Variants in WWC1 observed in about 807,000 individuals in gnomAD.
WWC1 encodes the protein WW and C2 domain containing 1.
WWC1 carries 55 observed loss-of-function variants against 138.4 expected under a neutral mutation model. The observed-to-expected ratio is 0.40, with a 90% CI of 0.32 to 0.50. WWC1 has a LOEUF of 0.50. Among genes scored for constraint, WWC1 ranks in the 20% least tolerant of loss-of-function variants. The pLI, the probability that WWC1 is intolerant of heterozygous loss-of-function variation, is 0.72. For synonymous variants in WWC1, 524 were observed against 564.9 expected (o/e 0.93, Z 1.03); for missense variants, 1,226 against 1,420.4 (o/e 0.86, Z 2.20).
At position 168,460,759 on chromosome 5, in the gene WWC1, A is replaced by G; in HGVS notation, c.2916+17A>G. The G allele has an allele frequency of 1.2e-6, 2 of 1,613,828 alleles. No homozygotes were observed. The highest frequency in any genetic ancestry group is 1.7e-6 in the Non-Finnish European group (2 of 1,179,784). ...ATGAAGCGGGTAAGAGAGTCACCTCAAAGCTATTTTTCTGCCTGCTCCTCC... is the reference window on the plus strand; with the variant it reads ...ATGAAGCGGGTAAGAGAGTCACCTCGAAGCTATTTTTCTGCCTGCTCCTCC... On this transcript the variant is annotated intron_variant, in intron 20 of 22. Transcript: ENST00000265293.
chr5:168,336,645 G>C (rs556951174), intron 1 of WWC1, among the ~76,000 whole-genome samples: 1 of 150,870 alleles, frequency 6.6e-6, no homozygotes, highest in South Asian at 2.1e-4. Context: ...AGGAGGATCT[G>C]AGCCTGTGCC....
Position 168,369,733 on chromosome 5 carries a change from G to A in WWC1, c.120-1691G>A, listed in dbSNP as rs553578742. 7.2e-5 allele frequency among the ~76,000 whole-genome samples: 11 copies of A among 152,182 alleles called. No individual in the cohort carries two copies. In the South Asian group the frequency reaches 1.5e-3, roughly 20 times the overall value. On this transcript the variant is annotated intron_variant, in intron 1 of 22. Transcript: ENST00000265293. ...CCAGACCCTGGGTATATAGTGGTAC[G>A]TGAACACACCAGGTCCTATCCAGCT...
intron 1 of WWC1, among the ~76,000 whole-genome samples, chr5:168,305,567 T>C (rs1324344627): frequency 1.3e-5 from 2 of 152,160 alleles, no homozygotes; most frequent in Non-Finnish European, 2.9e-5. Context: ...GTCCGGAGTT[T>C]TGGATTCTGT....
intron 2 of WWC1, among the ~76,000 whole-genome samples, chr5:168,384,840 C>T (rs952818943): frequency 2.6e-5 from 4 of 151,558 alleles, no homozygotes; most frequent in African/African-American, 9.7e-5. Flanking sequence ...GCCTTAGCCT[C>T]CCAAGTAGCT....
At chr5:168,421,363 G>A (rs1356894649) in intron 9 of WWC1, among the ~76,000 whole-genome samples, 1 of 152,186 alleles carries the variant, frequency 6.6e-6, no homozygotes, top group Non-Finnish European at 1.5e-5. Context: ...ACTGGAAGAG[G>A]CTCACCTGCC....
intron 14 of WWC1, among the ~76,000 whole-genome samples, 179 bp downstream of exon 14, chr5:168,430,402 G>T (rs1402164157): frequency 6.6e-6 from 1 of 152,144 alleles, no homozygotes; most frequent in Non-Finnish European, 1.5e-5. Context: ...AGGCACAACG[G>T]CAAGCACACC....
At chr5:168,397,947 G>A (rs978472936) in intron 4 of WWC1, 147 bp downstream of exon 4, 17 of 771,670 alleles carry the variant, frequency 2.2e-5, no homozygotes, top group African/African-American at 5.1e-5. Flanking sequence ...CAGTAGAAGC[G>A]GTAGTCACAG....
intron 1 of WWC1, among the ~76,000 whole-genome samples, chr5:168,326,424 T>G (rs1175872930): frequency 6.6e-6 from 1 of 151,874 alleles, no homozygotes; most frequent in East Asian, 1.9e-4. Context: ...TCCATGTTGG[T>G]CAGGCTGGTC....
intron 1 of WWC1, among the ~76,000 whole-genome samples, chr5:168,355,363 G>A (rs1477043746): frequency 6.6e-6 from 1 of 151,972 alleles, no homozygotes; most frequent in Non-Finnish European, 1.5e-5. Context: ...GCATGGTGGT[G>A]GGGGCCTGGA....
chr5:168,299,989 G>A (rs540622788), intron 1 of WWC1, among the ~76,000 whole-genome samples: 48 of 152,274 alleles, frequency 3.2e-4, no homozygotes, highest in South Asian at 2.9e-3. Flanking sequence ...TTGGAGAAGT[G>A]GCCTGGTGAC....
At chr5:168,460,876 A>G (rs1391690476) in intron 20 of WWC1, 134 bp downstream of exon 20, 1 of 894,696 alleles carries the variant, frequency 1.1e-6, no homozygotes, top group Non-Finnish European at 1.7e-6. Flanking sequence ...TTGCTCTCTC[A>G]AGCATTTGCG....
At chr5:168,451,497 G>C (rs1755812545) in intron 17 of WWC1, among the ~76,000 whole-genome samples, 1 of 152,150 alleles carries the variant, frequency 6.6e-6, no homozygotes, top group Non-Finnish European at 1.5e-5. Flanking sequence ...TTGAGGCCAG[G>C]AGTTCAAGAT....
chr5:168,339,895 GTC>G (rs1157471600), intron 1 of WWC1, among the ~76,000 whole-genome samples: 12 of 66,706 alleles, frequency 1.8e-4, no homozygotes, highest in East Asian at 7.0e-4. Flanking sequence ...CTCTCTCTCT[GTC>G]TCTCTCTCTT....
chr5:168,428,086 G>A lies in WWC1; in HGVS notation c.1864G>A (p.Val622Ile), dbSNP rs766146003. 2.7e-5 allele frequency: 43 copies of A among 1,613,550 alleles called. No homozygotes were observed. In the South Asian group the frequency reaches 2.9e-4, roughly 11 times the overall value. Residue 622 changes from valine to isoleucine, a missense_variant, in exon 12 of 23, where the codon GTA becomes ATA. Around this residue, in one of 3 missense-constraint regions of WWC1, gnomAD observed 1,016 missense variants for 1,153.9 expected, o/e 0.88. Transcript: ENST00000265293. ...GLKVACVSAAVSDESVAGDSG... is the reference protein window; with the variant it reads ...GLKVACVSAAISDESVAGDSG... ...GAAAGTGGCCTGTGTCTCAGCCGCC[G>A]TATCGGACGAGTCAGTGGCTGGAGA...
At chr5:168,447,593 T>A (rs1405699932) in intron 17 of WWC1, among the ~76,000 whole-genome samples, 1 of 152,206 alleles carries the variant, frequency 6.6e-6, no homozygotes, top group East Asian at 1.9e-4. Context: ...GCTTAGACTG[T>A]CCAAAACAAA....
intron 3 of WWC1, among the ~76,000 whole-genome samples, chr5:168,388,688 G>T (rs929363665): frequency 6.6e-6 from 1 of 151,978 alleles, no homozygotes; most frequent in African/African-American, 2.4e-5. Flanking sequence ...AAATTAGCTG[G>T]GCGTGGTGGC....
intron 1 of WWC1, among the ~76,000 whole-genome samples, chr5:168,363,512 C>G (rs10475879): frequency 0.73 from 96,280 of 131,936 alleles, 35,384 homozygotes; most frequent in East Asian, 0.85. Flanking sequence ...GTGACAGAGC[C>G]AGACTCTGTC....
chr5:168,371,478 A>T lies in WWC1; in HGVS notation c.174A>T (p.Gly58=), dbSNP rs567591455. The change falls in exon 2 of 23, where the codon GGA becomes GGT. Residue 58 remains glycine (G), a synonymous_variant. Coordinates refer to ENST00000265293, the MANE Select transcript of WWC1 (RefSeq NM_015238.3). ...GCATTAGTGATGAGTTGCCGCTAGG[A>T]TGGGAAGAGGCATATGACCCACAGG... ...ADCISDELPL[G]WEEAYDPQVG... 5.0e-6 allele frequency: 8 copies of T among 1,614,026 alleles called. No homozygotes were observed. Among genetic ancestry groups the T allele is most frequent in the Admixed American group, 1.7e-5 (1 of 60,008 alleles).
chr5:168,335,097 T>C (rs966840966), intron 1 of WWC1, among the ~76,000 whole-genome samples: 1 of 152,182 alleles, frequency 6.6e-6, no homozygotes, highest in Admixed American at 6.5e-5. Context: ...CTGAGGGAGC[T>C]GTGAGGTGAG....
Sources: allele counts gnomAD v4.1 joint callset (sites outside exome capture counted in the v4.1 genomes callset), GRCh38; gene constraint gnomAD v4.1.1; regional missense constraint gnomAD v4.1.1; transcripts MANE v1.5; gene names NCBI Gene and HGNC (gene_info 2026-07-23, HGNC 2026-07-21).